Variants in KCNAB1 observed in about 807,000 individuals in gnomAD.
KCNAB1 encodes potassium voltage-gated channel subfamily A regulatory beta subunit 1, also known as voltage-gated potassium channel subunit beta-1.
In KCNAB1, 35 loss-of-function variants were observed where a neutral mutation model predicts 64.6. The observed-to-expected ratio is 0.54, with a 90% confidence interval of 0.41 to 0.72. KCNAB1 has a LOEUF of 0.72. Ranked by LOEUF, KCNAB1 falls within the 30% of genes least tolerant of loss-of-function variation. The probability of loss-of-function intolerance (pLI) is 0.00; values close to 1 mark genes in which losing one functional copy is unlikely to be tolerated. For synonymous variants in KCNAB1, 177 were observed against 183.8 expected (o/e 0.96, Z 0.30); for missense variants, 401 against 512.9 (o/e 0.78, Z 2.11).
chr3:156,150,269 C>T (rs564660539), intron 1 of KCNAB1, among the ~76,000 whole-genome samples: 14 of 152,096 alleles, frequency 9.2e-5, no homozygotes, highest in Non-Finnish European at 2.1e-4. Context: ...AATAGAAATT[C>T]TAAAATAAGT....
chr3:156,352,776 G>A (rs1724941025), intron 1 of KCNAB1, among the ~76,000 whole-genome samples: 1 of 152,222 alleles, frequency 6.6e-6, no homozygotes, highest in Non-Finnish European at 1.5e-5. Flanking sequence ...CCCAACCACA[G>A]GAAAAAGGCT....
At chr3:156,390,419 A>G (rs6790537) in intron 1 of KCNAB1, among the ~76,000 whole-genome samples, 44,556 of 152,126 alleles carry the variant, frequency 0.29, 8,946 homozygotes, top group African/African-American at 0.58. Flanking sequence ...CTGTAAAATG[A>G]AAGGTTGTAT....
chr3:156,204,381 G>A (rs1714524886), intron 1 of KCNAB1, among the ~76,000 whole-genome samples: 1 of 152,130 alleles, frequency 6.6e-6, no homozygotes. Context: ...TTACTTTTTA[G>A]GTTATGACTC....
intron 1 of KCNAB1, among the ~76,000 whole-genome samples, chr3:156,320,994 G>T (rs1333306287): frequency 6.6e-6 from 1 of 151,772 alleles, no homozygotes; most frequent in African/African-American, 2.4e-5. Context: ...AGGCACCAGG[G>T]TCACACTTAC....
intron 1 of KCNAB1, among the ~76,000 whole-genome samples, chr3:156,169,690 C>T (rs9289962): frequency 0.77 from 116,932 of 152,076 alleles, 45,124 homozygotes; most frequent in East Asian, 0.93. Flanking sequence ...GTGATAGAGT[C>T]CTCATGGGAT....
chr3:156,463,315 G>A (rs866426108), intron 5 of KCNAB1, among the ~76,000 whole-genome samples: 2 of 152,080 alleles, frequency 1.3e-5, no homozygotes, highest in African/African-American at 4.8e-5. Context: ...ACTTACTAAA[G>A]CAATTCATCC....
intron 1 of KCNAB1, among the ~76,000 whole-genome samples, chr3:156,331,406 C>T (rs1301121931): frequency 6.6e-6 from 1 of 151,964 alleles, no homozygotes; most frequent in African/African-American, 2.4e-5. Flanking sequence ...CTAGTTCAGA[C>T]AGAAGATTCT....
rs185174203 is a variant in KCNAB1 at position 156,399,460 on chromosome 3, G to T, written c.276-22156G>T. Among the ~76,000 whole-genome samples the T allele has an allele frequency of 2.6e-5, 4 of 152,246 alleles. No individual in the cohort carries two copies. In the East Asian group the frequency reaches 7.7e-4, roughly 29 times the overall value. ...ATGTGCTAGGAATCCCTAAGACAGGGTGTTCTCTTTAGAGAGTTTTTAGTC... is the reference window on the plus strand; with the variant it reads ...ATGTGCTAGGAATCCCTAAGACAGGTTGTTCTCTTTAGAGAGTTTTTAGTC... On this transcript the variant is annotated intron_variant, in intron 1 of 13. Coordinates refer to ENST00000490337, the MANE Select transcript of KCNAB1 (RefSeq NM_172160.3).
At chr3:156,308,187 C>T (rs950665430) in intron 1 of KCNAB1, among the ~76,000 whole-genome samples, 2 of 152,116 alleles carry the variant, frequency 1.3e-5, no homozygotes, top group Non-Finnish European at 2.9e-5. Context: ...TGAGTATCTG[C>T]GAGAAGATCA....
chr3:156,204,133 G>A (rs1476751284), intron 1 of KCNAB1, among the ~76,000 whole-genome samples: 1 of 152,218 alleles, frequency 6.6e-6, no homozygotes, highest in Non-Finnish European at 1.5e-5. Flanking sequence ...AAGCTGTAAG[G>A]CTGAAAGCTT....
intron 1 of KCNAB1, among the ~76,000 whole-genome samples, chr3:156,241,192 A>G (rs1302652639): frequency 1.3e-5 from 2 of 152,216 alleles, no homozygotes; most frequent in African/African-American, 2.4e-5. Context: ...CAAACTTATA[A>G]TGCATCATGA....
intron 8 of KCNAB1, among the ~76,000 whole-genome samples, chr3:156,484,895 C>T (rs908012034): frequency 6.6e-5 from 10 of 152,092 alleles, no homozygotes; most frequent in Non-Finnish European, 1.0e-4. Context: ...AAGGTGAGGG[C>T]GTTAGTCTTA....
At chr3:156,360,292 G>A (rs1385463685) in intron 1 of KCNAB1, among the ~76,000 whole-genome samples, 1 of 152,158 alleles carries the variant, frequency 6.6e-6, no homozygotes, top group Non-Finnish European at 1.5e-5. Flanking sequence ...GTGGATCTCA[G>A]ACTTCACATA....
intron 1 of KCNAB1, among the ~76,000 whole-genome samples, chr3:156,332,837 C>T (rs73164705): frequency 9.2e-5 from 14 of 152,260 alleles, no homozygotes; most frequent in Middle Eastern, 3.4e-3. Flanking sequence ...CTGAGATTTC[C>T]TCTGGGGAGA....
At chr3:156,534,982 TC>T (rs1718955207) in intron 13 of KCNAB1, among the ~76,000 whole-genome samples, 1 of 152,032 alleles carries the variant, frequency 6.6e-6, no homozygotes, top group African/African-American at 2.4e-5. Flanking sequence ...GAAGGATTCT[TC>T]TCCTCACGTG....
chr3:156,198,311 G>T (rs1462220571), intron 1 of KCNAB1, among the ~76,000 whole-genome samples: 3 of 152,112 alleles, frequency 2.0e-5, no homozygotes, highest in South Asian at 4.2e-4. Context: ...GGTCTGCTTG[G>T]TTCAGAGCTG....
At chr3:156,125,247 A>T (rs1175131864) in intron 1 of KCNAB1, among the ~76,000 whole-genome samples, 1 of 152,208 alleles carries the variant, frequency 6.6e-6, no homozygotes, top group Non-Finnish European at 1.5e-5. Flanking sequence ...GATATAACCC[A>T]TACTGTACAC....
intron 1 of KCNAB1, among the ~76,000 whole-genome samples, chr3:156,150,779 C>T (rs1052720642): frequency 1.3e-5 from 2 of 152,012 alleles, no homozygotes; most frequent in African/African-American, 2.4e-5. Flanking sequence ...TATGTATTTA[C>T]CTTGATTATG....
intron 2 of KCNAB1, among the ~76,000 whole-genome samples, chr3:156,429,959 C>T (rs970031618): frequency 6.6e-6 from 1 of 152,212 alleles, no homozygotes; most frequent in African/African-American, 2.4e-5. Context: ...GAAAGTCTAA[C>T]TTGAATAAAT....
Sources: gnomAD v4.1 joint callset for allele counts (sites outside exome capture counted in the v4.1 genomes callset) on GRCh38, gnomAD v4.1.1 for gene constraint, MANE v1.5 for transcripts, NCBI Gene and HGNC (gene_info 2026-07-23, HGNC 2026-07-21) for gene names.